SAMD5: variants seen among roughly 807,000 people sequenced by gnomAD.
SAMD5 encodes sterile alpha motif domain containing 5, also known as sterile alpha motif domain-containing protein 5.
Under a neutral mutation model 11.3 loss-of-function variants are expected in SAMD5, and 13 were observed. That is an observed-to-expected ratio of 1.15 (90% CI 0.75 to 1.83). The LOEUF is 1.83. SAMD5 is among the 40% of genes most tolerant of loss of function. The probability of loss-of-function intolerance (pLI) is 0.00; values close to 1 mark genes in which losing one functional copy is unlikely to be tolerated. For missense variants in SAMD5, 255 were observed against 239.1 expected (o/e 1.07, Z -0.44); for synonymous variants, 129 against 111.3 (o/e 1.16, Z -1.00).
At chr6:147,808,471 T>A in the SAMD5 span, among the ~76,000 whole-genome samples, 1 of 152,236 alleles carries the variant, frequency 6.6e-6, no homozygotes, top group African/African-American at 2.4e-5. Flanking sequence ...CCCAAAGTGG[T>A]GGGATTACAT....
At chr6:147,580,290 A>G (rs1789277827) in intron 1 of SAMD5, among the ~76,000 whole-genome samples, 2 of 152,230 alleles carry the variant, frequency 1.3e-5, no homozygotes, top group Admixed American at 1.3e-4. Context: ...GAACACTACC[A>G]TTCCACCAGG....
At position 147,566,827 on chromosome 6, in the gene SAMD5, G is replaced by T. The variant is rs1253396631; in HGVS notation, c.*2371G>T. ...TCCTTTGCATTAAAATCAAGATGAG[G>T]TAAGAGGTAGAATATAAGAGAAAGG... On this transcript the variant is annotated 3_prime_UTR_variant, in exon 2 of 2. Coordinates refer to ENST00000367474, the MANE Select transcript of SAMD5 (RefSeq NM_001030060.3). 3.1e-5 allele frequency: 30 copies of T among 979,258 alleles called. No individual in the cohort carries two copies. The highest frequency in any genetic ancestry group is 3.6e-5 in the Non-Finnish European group (30 of 824,580). 60.7% of individuals were successfully genotyped at this position (979,258 alleles called of 1,614,324 possible). A position where few individuals can be genotyped will look rare whatever the true frequency, so the allele number is the denominator to read the frequency against.
intron 1 of SAMD5, among the ~76,000 whole-genome samples, chr6:147,627,190 G>C (rs1172030736): frequency 2.0e-5 from 3 of 152,186 alleles, no homozygotes; most frequent in Admixed American, 2.0e-4. Flanking sequence ...AGACAGCAGA[G>C]GAAGCACTTT....
At chr6:147,874,875 G>C in the SAMD5 span, among the ~76,000 whole-genome samples, 2 of 151,884 alleles carry the variant, frequency 1.3e-5, no homozygotes, top group African/African-American at 2.4e-5. Context: ...TGTGGGATTC[G>C]GGCAGGACTT....
chr6:147,799,202 G>A, the SAMD5 span, among the ~76,000 whole-genome samples: 1 of 151,960 alleles, frequency 6.6e-6, no homozygotes, highest in Non-Finnish European at 1.5e-5. Context: ...TGCAGCGGCT[G>A]GTACCAGTTG....
the SAMD5 span, among the ~76,000 whole-genome samples, chr6:147,882,184 C>T: frequency 6.6e-6 from 1 of 152,260 alleles, no homozygotes; most frequent in South Asian, 2.1e-4. Flanking sequence ...TCTTTGTCCT[C>T]TTATTACTTG....
intron 1 of SAMD5, among the ~76,000 whole-genome samples, chr6:147,522,193 G>A (rs1562311723): frequency 1.3e-5 from 2 of 152,062 alleles, no homozygotes; most frequent in Non-Finnish European, 2.9e-5. Flanking sequence ...TTCTTCTAGT[G>A]TTATTGCATT....
intron 1 of SAMD5, among the ~76,000 whole-genome samples, chr6:147,699,284 A>C (rs561293550): frequency 6.6e-6 from 1 of 152,312 alleles, no homozygotes; most frequent in South Asian, 2.1e-4. Context: ...GAATGAATTG[A>C]ATACTGGACA....
chr6:147,790,732 A>ATCTCTC, the SAMD5 span, among the ~76,000 whole-genome samples: 95 of 85,186 alleles, frequency 1.1e-3, 1 homozygote, highest in African/African-American at 5.0e-3. Context: ...GAATTGGTCG[A>ATCTCTC]TCTCTCTCTC....
At chr6:147,716,780 G>A (rs1428893557) in intron 1 of SAMD5, among the ~76,000 whole-genome samples, 1 of 152,162 alleles carries the variant, frequency 6.6e-6, no homozygotes, top group Admixed American at 6.5e-5. Context: ...CTTCTATTTT[G>A]AAAATAGGCA....
intron 1 of SAMD5, among the ~76,000 whole-genome samples, chr6:147,652,176 T>G (rs1223297383): frequency 2.6e-5 from 4 of 152,210 alleles, no homozygotes; most frequent in Non-Finnish European, 5.9e-5. Context: ...ATATACAAAG[T>G]GTGTCATCTT....
At chr6:147,906,402 G>T in the SAMD5 span, among the ~76,000 whole-genome samples, 1 of 152,184 alleles carries the variant, frequency 6.6e-6, no homozygotes, top group Non-Finnish European at 1.5e-5. Context: ...AATGGCCTCT[G>T]TCATGCCTTC....
chr6:147,939,164 G>A, the SAMD5 span, among the ~76,000 whole-genome samples: 61 of 152,314 alleles, frequency 4.0e-4, 3 homozygotes, highest in South Asian at 0.012. Context: ...GAGATGCCCA[G>A]GGCATGTGGC....
the SAMD5 span, among the ~76,000 whole-genome samples, chr6:147,857,724 T>G: frequency 6.6e-6 from 1 of 152,156 alleles, no homozygotes; most frequent in Non-Finnish European, 1.5e-5. Context: ...TTATTAGGAA[T>G]CAACACTATA....
intron 1 of SAMD5, among the ~76,000 whole-genome samples, chr6:147,651,229 T>G (rs1790478897): frequency 6.6e-6 from 1 of 152,164 alleles, no homozygotes; most frequent in South Asian, 2.1e-4. Flanking sequence ...GCTCTTTGGC[T>G]AAAAATAGCA....
chr6:147,647,014 T>TAATAATAAA (rs986049705), intron 1 of SAMD5, among the ~76,000 whole-genome samples: 12 of 128,562 alleles, frequency 9.3e-5, no homozygotes, highest in African/African-American at 3.6e-4. Flanking sequence ...ATAATAATAA[T>TAATAATAAA]AAAATAGCTG....
chr6:147,580,737 A>G (rs1325834191), intron 1 of SAMD5, among the ~76,000 whole-genome samples: 3 of 152,206 alleles, frequency 2.0e-5, no homozygotes, highest in African/African-American at 2.4e-5. Flanking sequence ...TTTCCTTGAC[A>G]ATATATATCT....
rs2128445179 is a variant in SAMD5 at position 147,569,460 on chromosome 6, A to G, written c.*5004A>G. 1.1e-6 allele frequency: 1 copy of G among 920,432 alleles called. No homozygotes were observed. Among genetic ancestry groups the G allele is most frequent in the South Asian group, 5.0e-5 (1 of 19,924 alleles). 57.0% of individuals were successfully genotyped at this position (920,432 alleles called of 1,614,324 possible). On this transcript the variant is annotated 3_prime_UTR_variant, in exon 2 of 2. Transcript: ENST00000367474. ...TTCTTCTACTGGACCAAAAGGAAAT[A>G]AATCTACAATAAATCTACTTTCTAA... is the stretch of plus-strand genomic sequence containing the variant.
intron 1 of SAMD5, among the ~76,000 whole-genome samples, chr6:147,529,293 T>C (rs772797495): frequency 2.7e-4 from 41 of 152,298 alleles, no homozygotes; most frequent in Non-Finnish European, 4.1e-4. Context: ...TAAAATATTA[T>C]AAATATTGTT....
Sources: gnomAD v4.1 joint callset for allele counts (sites outside exome capture counted in the v4.1 genomes callset) on GRCh38, gnomAD v4.1.1 for gene constraint, MANE v1.5 for transcripts, NCBI Gene and HGNC (gene_info 2026-07-23, HGNC 2026-07-21) for gene names.